Variants in KANK1 observed in about 807,000 individuals in gnomAD.
KANK1 encodes KN motif and ankyrin repeat domain-containing protein 1.
Under a neutral mutation model 106.2 loss-of-function variants are expected in KANK1, and 109 were observed. The ratio of observed to expected loss-of-function variants is 1.03; its 90% CI spans 0.88 to 1.20. KANK1 has a LOEUF of 1.20. KANK1 is among the 50% of genes most tolerant of loss of function. KANK1 has a pLI of 0.00. For synonymous variants in KANK1, 873 were observed against 652.2 expected, an observed-to-expected ratio of 1.34 and a Z score of -5.16; for missense variants, 2,399 against 1,710.7, an observed-to-expected ratio of 1.40 and a Z score of -7.10.
At chr9:732,745 C>T in intron 6 of KANK1, 128 bp downstream of exon 6, 1 of 987,216 alleles carries the variant, frequency 1.0e-6, no homozygotes, top group Non-Finnish European at 1.5e-6. Context: ...GTATACACAT[C>T]TTGAGATACT....
intron 1 of KANK1, among the ~76,000 whole-genome samples, chr9:517,403 G>A (rs914213883): frequency 7.2e-5 from 11 of 151,742 alleles, no homozygotes; most frequent in African/African-American, 2.4e-4. Flanking sequence ...CGGCCCGGCT[G>A]CAAGCTGTGT....
At chr9:582,165 C>T (rs1406450924) in intron 1 of KANK1, among the ~76,000 whole-genome samples, 1 of 152,128 alleles carries the variant, frequency 6.6e-6, no homozygotes, top group Non-Finnish European at 1.5e-5. Flanking sequence ...GTGGCCAGTT[C>T]CCCACGTAGA....
chr9:743,273 T>C (rs1336511237), intron 10 of KANK1, among the ~76,000 whole-genome samples: 1 of 152,120 alleles, frequency 6.6e-6, no homozygotes, highest in Non-Finnish European at 1.5e-5. Flanking sequence ...CCCAAGCCAG[T>C]AGGGAGAAAA....
chr9:503,633 G>A (rs1448191729), upstream of KANK1, among the ~76,000 whole-genome samples: 1 of 152,122 alleles, frequency 6.6e-6, no homozygotes, highest in African/African-American at 2.4e-5. Context: ...GGGGGTGAGG[G>A]GAGGACTCTC....
chr9:742,461 G>T, intron 10 of KANK1, 56 bp downstream of exon 10: 1 of 1,424,514 alleles, frequency 7.0e-7, no homozygotes. Context: ...CTGGACGGGA[G>T]CTCTGGGAGT....
intron 1 of KANK1, among the ~76,000 whole-genome samples, chr9:546,452 C>A (rs2060932733): frequency 6.6e-6 from 1 of 152,056 alleles, no homozygotes; most frequent in Non-Finnish European, 1.5e-5. Context: ...GTGACCCTTT[C>A]AGGCTCATGG....
intron 1 of KANK1, among the ~76,000 whole-genome samples, chr9:586,467 G>A (rs1823495375): frequency 1.3e-5 from 2 of 152,182 alleles, no homozygotes; most frequent in East Asian, 3.9e-4. Context: ...AGAAGGGGTA[G>A]AGAGCAGCTG....
chr9:698,287 C>T (rs1247047092), intron 2 of KANK1, among the ~76,000 whole-genome samples: 1 of 152,114 alleles, frequency 6.6e-6, no homozygotes, highest in African/African-American at 2.4e-5. Flanking sequence ...AAACACAGAG[C>T]GAGTCTGTGT....
intron 1 of KANK1, among the ~76,000 whole-genome samples, chr9:641,728 T>G (rs536207131): frequency 6.6e-6 from 1 of 152,302 alleles, no homozygotes; most frequent in South Asian, 2.1e-4. Flanking sequence ...TTGTAACACC[T>G]TTTCATCCTG....
At chr9:729,244 T>A (rs889039358) in intron 3 of KANK1, among the ~76,000 whole-genome samples, 2 of 152,200 alleles carry the variant, frequency 1.3e-5, no homozygotes, top group African/African-American at 4.8e-5. Flanking sequence ...CCTCAAAATA[T>A]TTACCATCTA....
intron 1 of KANK1, among the ~76,000 whole-genome samples, chr9:553,622 A>T (rs2061407009): frequency 6.6e-6 from 1 of 152,234 alleles, no homozygotes; most frequent in African/African-American, 2.4e-5. Flanking sequence ...TGAGCAATGT[A>T]ATGAAGCGTT....
At chr9:729,276 T>C (rs1422528068) in intron 3 of KANK1, among the ~76,000 whole-genome samples, 1 of 152,224 alleles carries the variant, frequency 6.6e-6, no homozygotes, top group African/African-American at 2.4e-5. Flanking sequence ...AAAACCATCA[T>C]ACAAGTCATC....
chr9:712,998 C>T lies in KANK1; in HGVS notation c.2232C>T (p.Gly744=). 6.2e-7 allele frequency: 1 copy of T among 1,614,142 alleles called. No individual in the cohort carries two copies. The highest frequency in any genetic ancestry group is 8.5e-7 in the Non-Finnish European group (1 of 1,180,036). Residue 744 remains glycine, a synonymous_variant, in exon 3 of 12, where the codon GGC becomes GGT. Transcript: ENST00000382297. ...TTGGTGTTGGAACGTTGCTTTCTGG[C>T]CATTCTGGGTTTGACAGGCCATCAG... is the stretch of plus-strand genomic sequence containing the variant. ...RSIGVGTLLS[G]HSGFDRPSAV...
At chr9:681,540 A>G (rs1817554409) in intron 2 of KANK1, among the ~76,000 whole-genome samples, 1 of 152,216 alleles carries the variant, frequency 6.6e-6, no homozygotes, top group South Asian at 2.1e-4. Context: ...TTATTTGTGA[A>G]AGAAAGATAA....
chr9:606,462 A>G (rs1563848027), intron 1 of KANK1, among the ~76,000 whole-genome samples: 1 of 147,784 alleles, frequency 6.8e-6, no homozygotes, highest in African/African-American at 2.7e-5. Flanking sequence ...AGGTTGAGAC[A>G]GGAGAATCAC....
intron 1 of KANK1, among the ~76,000 whole-genome samples, chr9:515,857 G>A (rs1371590876): frequency 6.6e-6 from 1 of 151,840 alleles, no homozygotes; most frequent in African/African-American, 2.4e-5. Flanking sequence ...GAAATGCATA[G>A]TTTCAAGGAA....
At chr9:569,600 T>C (rs1818666928) in intron 1 of KANK1, among the ~76,000 whole-genome samples, 1 of 152,162 alleles carries the variant, frequency 6.6e-6, no homozygotes, top group South Asian at 2.1e-4. Context: ...TAAATACCTT[T>C]TCTGTATAAA....
intron 1 of KANK1, among the ~76,000 whole-genome samples, chr9:553,350 A>G (rs1350666537): frequency 2.0e-5 from 3 of 152,180 alleles, no homozygotes; most frequent in Non-Finnish European, 4.4e-5. Flanking sequence ...GTGCCAGGCA[A>G]TCAGCTTTAA....
At chr9:579,035 A>C (rs7030075) in intron 1 of KANK1, among the ~76,000 whole-genome samples, 40,977 of 152,114 alleles carry the variant, frequency 0.27, 5,713 homozygotes, top group East Asian at 0.34. Flanking sequence ...ATAGACATAA[A>C]AAATGCCAGC....
Sources: allele counts gnomAD v4.1 joint callset (sites outside exome capture counted in the v4.1 genomes callset), GRCh38; gene constraint gnomAD v4.1.1; transcripts MANE v1.5; gene names NCBI Gene and HGNC (gene_info 2026-07-23, HGNC 2026-07-21).